Variants in MEF2A observed in about 807,000 individuals in gnomAD.
MEF2A encodes the protein myocyte-specific enhancer factor 2A.
In MEF2A, 28 loss-of-function variants were observed where a neutral mutation model predicts 55.8. The ratio of observed to expected loss-of-function variants is 0.50; its 90% CI spans 0.37 to 0.69. The LOEUF is 0.69. Ranked by LOEUF, MEF2A falls within the 30% of genes least tolerant of loss-of-function variation. The pLI, the probability that MEF2A is intolerant of heterozygous loss-of-function variation, is 0.00. For missense variants in MEF2A, 528 were observed against 626.2 expected (o/e 0.84, Z 1.67); for synonymous variants, 239 against 227.1 (o/e 1.05, Z -0.47).
chr15:99,585,824 T>G (rs925816931), intron 1 of MEF2A, among the ~76,000 whole-genome samples: 1 of 152,220 alleles, frequency 6.6e-6, no homozygotes, highest in African/African-American at 2.4e-5. Flanking sequence ...ACAAAAATCT[T>G]TTAAATTATA....
chr15:99,676,371 G>A (rs2052033303), intron 7 of MEF2A, among the ~76,000 whole-genome samples: 1 of 151,178 alleles, frequency 6.6e-6, no homozygotes, highest in Non-Finnish European at 1.5e-5. Flanking sequence ...TTGTTTGTAT[G>A]CCTACATACT....
intron 7 of MEF2A, among the ~76,000 whole-genome samples, chr15:99,687,372 T>G (rs1031429667): frequency 2.0e-5 from 3 of 152,160 alleles, no homozygotes; most frequent in Non-Finnish European, 2.9e-5. Context: ...TGTGGGTGTG[T>G]GTGTGTATTT....
At chr15:99,695,541 T>TGTGTGTGTGTGTGTGTG (rs1555498137) in intron 8 of MEF2A, among the ~76,000 whole-genome samples, 17 of 144,778 alleles carry the variant, frequency 1.2e-4, no homozygotes, top group Admixed American at 3.4e-4. Context: ...ATTGTCAGAT[T>TGTGTGTGTGTGTGTGTG]TGTGTGTGTG....
chr15:99,678,311 T>C (rs1447555586), intron 7 of MEF2A, among the ~76,000 whole-genome samples: 1 of 152,228 alleles, frequency 6.6e-6, no homozygotes, highest in Admixed American at 6.5e-5. Flanking sequence ...AATTTGCTGA[T>C]ACTTTTTTAT....
chr15:99,697,648 C>A (rs1202563086), intron 8 of MEF2A, among the ~76,000 whole-genome samples: 1 of 152,180 alleles, frequency 6.6e-6, no homozygotes, highest in Non-Finnish European at 1.5e-5. Context: ...GTCAAGATGT[C>A]ATTTCTTCCC....
chr15:99,598,174 G>A (rs138690503), intron 1 of MEF2A, among the ~76,000 whole-genome samples: 9 of 152,134 alleles, frequency 5.9e-5, no homozygotes, highest in East Asian at 1.9e-4. Flanking sequence ...TGAATCTCGC[G>A]ATGCAAAGAA....
chr15:99,617,668 A>C (rs2040437571), intron 2 of MEF2A, among the ~76,000 whole-genome samples: 1 of 151,760 alleles, frequency 6.6e-6, no homozygotes, highest in African/African-American at 2.4e-5. Context: ...GGGTTGGTTA[A>C]CTCCAGTCAC....
intron 1 of MEF2A, among the ~76,000 whole-genome samples, chr15:99,596,499 C>T (rs1971213093): frequency 6.6e-6 from 1 of 151,798 alleles, no homozygotes; most frequent in Admixed American, 6.6e-5. Flanking sequence ...TTGTGTTTTT[C>T]CCGCCCCCAG....
chr15:99,697,206 T>C (rs1311262856), intron 8 of MEF2A, among the ~76,000 whole-genome samples: 1 of 152,058 alleles, frequency 6.6e-6, no homozygotes, highest in Non-Finnish European at 1.5e-5. Flanking sequence ...TCACCAGTCA[T>C]ATTTACCATG....
intron 4 of MEF2A, among the ~76,000 whole-genome samples, chr15:99,646,801 C>T (rs11247119): frequency 0.65 from 98,456 of 151,986 alleles, 35,424 homozygotes; most frequent in Middle Eastern, 0.85. Context: ...TGTCCCTCTT[C>T]AGGCAGTGAT....
rs2059081195 is a variant in MEF2A, at chr15:99,715,679, G to C, written c.*2908G>C. On this transcript the variant is annotated 3_prime_UTR_variant, in exon 12 of 12. Transcript: ENST00000557942. ...CCTTTTAGACTCGTGTTTTGTATGA[G>C]ACACCATTGCAAGAAAATTTTATCC... The C allele has an allele frequency of 6.6e-6, 1 of 152,266 alleles. No individual in the cohort carries two copies. Among genetic ancestry groups the C allele is most frequent in the Middle Eastern group, 3.4e-3 (1 of 294 alleles). 9.4% of individuals were successfully genotyped at this position (152,266 alleles called of 1,614,324 possible). A position where few individuals can be genotyped will look rare whatever the true frequency, so the allele number is the denominator to read the frequency against.
rs141455216 is a variant in MEF2A at position 99,647,582 on chromosome 15, A to G, written c.258+1818A>G. Among the ~76,000 whole-genome samples the G allele has an allele frequency of 1.5e-4, 23 of 152,278 alleles. No individual in the cohort carries two copies. The East Asian group carries it at 2.1e-3, about 14-fold the overall frequency. On this transcript the variant is annotated intron_variant, in intron 4 of 11. Coordinates refer to ENST00000557942, the MANE Select transcript of MEF2A (RefSeq NM_001319206.4). Reference sequence around the variant, plus strand: ...CTCATAGAATTTTCAGACTACCTCAATCTTCATCTCTGTTGTGGACAGCAA... The same window carrying G: ...CTCATAGAATTTTCAGACTACCTCAGTCTTCATCTCTGTTGTGGACAGCAA...
rs753455151 is a variant in MEF2A at position 99,674,536 on chromosome 15, C to G, written c.534C>G (p.Leu178=). 5.0e-6 allele frequency: 8 copies of G among 1,613,968 alleles called. No individual in the cohort carries two copies. The highest frequency in any genetic ancestry group is 3.3e-5 in the South Asian group (3 of 91,082). The change falls in exon 6 of 12, where the codon CTC becomes CTG. Residue 178 remains leucine, a synonymous_variant. Coordinates refer to ENST00000557942, the MANE Select transcript of MEF2A (RefSeq NM_001319206.4). ...ASSTLTDSSM[L]SPPQTTLHRN... is the part of the protein sequence containing the mutation. Reference sequence around the variant, plus strand: ...CAACGTTAACAGATTCAAGCATGCTCTCTCCACCTCAAACCACATTACATA... The same window carrying G: ...CAACGTTAACAGATTCAAGCATGCTGTCTCCACCTCAAACCACATTACATA...
intron 2 of MEF2A, among the ~76,000 whole-genome samples, chr15:99,602,707 G>T (rs1330926682): frequency 1.5e-4 from 9 of 58,360 alleles, no homozygotes; most frequent in Non-Finnish European, 2.3e-4. Flanking sequence ...TGTAGGGGTG[G>T]GGAGCTTTTT....
chr15:99,710,489 C>T, intron 10 of MEF2A, 145 bp from the exon 11 acceptor site: 1 of 903,510 alleles, frequency 1.1e-6, no homozygotes, highest in Non-Finnish European at 1.6e-6. Context: ...GTGATCCGCC[C>T]ATCTTGGCCT....
intron 10 of MEF2A, among the ~76,000 whole-genome samples, chr15:99,710,289 A>G (rs2058488802): frequency 6.6e-6 from 1 of 152,100 alleles, no homozygotes; most frequent in Non-Finnish European, 1.5e-5. Flanking sequence ...CCCAGGCTGG[A>G]TGGAGTGCAG....
intron 1 of MEF2A, among the ~76,000 whole-genome samples, chr15:99,590,352 A>G (rs1458380276): frequency 5.3e-5 from 5 of 94,444 alleles, no homozygotes; most frequent in African/African-American, 1.4e-4. Context: ...TATCTGTGTT[A>G]ATTTAAAGTG....
At chr15:99,611,893 T>C (rs1339913858) in intron 2 of MEF2A, among the ~76,000 whole-genome samples, 1 of 152,036 alleles carries the variant, frequency 6.6e-6, no homozygotes, top group African/African-American at 2.4e-5. Context: ...GAAAACATCA[T>C]GTTAAGTGAG....
intron 6 of MEF2A, 66 bp from the exon 7 acceptor site, chr15:99,675,333 G>A: frequency 7.5e-7 from 1 of 1,340,086 alleles, no homozygotes; most frequent in South Asian, 1.2e-5. Context: ...TTCACGTTCA[G>A]TTAGGTAAAG....
Sources: gnomAD v4.1 joint callset for allele counts (sites outside exome capture counted in the v4.1 genomes callset) on GRCh38, gnomAD v4.1.1 for gene constraint, MANE v1.5 for transcripts, NCBI Gene and HGNC (gene_info 2026-07-23, HGNC 2026-07-21) for gene names.